AAMDC: variants seen among roughly 807,000 people sequenced by gnomAD.
AAMDC encodes the protein mth938 domain-containing protein.
In AAMDC, 16 loss-of-function variants were observed where a neutral mutation model predicts 15.5. The observed-to-expected ratio is 1.03, with a 90% CI of 0.70 to 1.57. AAMDC has a LOEUF of 1.57. Among genes scored for constraint, AAMDC ranks in the 40% most tolerant of loss-of-function variants. The pLI, the probability that AAMDC is intolerant of heterozygous loss-of-function variation, is 0.00. For missense variants in AAMDC, 141 were observed against 144.9 expected (o/e 0.97, Z 0.14); for synonymous variants, 51 against 51.6 (o/e 0.99, Z 0.05).
intron 2 of AAMDC, among the ~76,000 whole-genome samples, chr11:77,864,595 G>A (rs12574507): frequency 0.15 from 22,114 of 152,056 alleles, 1,816 homozygotes; most frequent in Admixed American, 0.2. Flanking sequence ...GGTTCATACT[G>A]GAAGCAGCAA....
At chr11:77,904,973 G>A (rs1421553662), downstream of AAMDC, among the ~76,000 whole-genome samples, 1 of 152,162 alleles carries the variant, frequency 6.6e-6, no homozygotes, top group Non-Finnish European at 1.5e-5. Flanking sequence ...TTAGATATCA[G>A]CTTGACTAGA....
At chr11:77,882,588 CA>C (rs1951835243) in intron 5 of AAMDC, among the ~76,000 whole-genome samples, 1 of 152,128 alleles carries the variant, frequency 6.6e-6, no homozygotes, top group South Asian at 2.1e-4. Context: ...GCAAATAGTG[CA>C]AAAACATTCC....
At chr11:77,843,704 T>TGA (rs1289375150) in intron 2 of AAMDC, among the ~76,000 whole-genome samples, 1 of 152,168 alleles carries the variant, frequency 6.6e-6, no homozygotes, top group Non-Finnish European at 1.5e-5. Context: ...ACTGAAAGTG[T>TGA]GAGATTAGGA....
chr11:77,890,592 T>G (rs1218402129), intron 5 of AAMDC, among the ~76,000 whole-genome samples: 1 of 152,182 alleles, frequency 6.6e-6, no homozygotes, highest in African/African-American at 2.4e-5. Flanking sequence ...GCATGTCTAC[T>G]CACCAAACCC....
chr11:77,888,185 T>C (rs1370955123), intron 5 of AAMDC, among the ~76,000 whole-genome samples: 4 of 152,162 alleles, frequency 2.6e-5, no homozygotes, highest in African/African-American at 7.2e-5. Context: ...ACTACAAGCC[T>C]ACAGTAACCA....
chr11:77,828,037 G>C (rs1359167818), intron 1 of AAMDC, among the ~76,000 whole-genome samples: 1 of 152,110 alleles, frequency 6.6e-6, no homozygotes, highest in Non-Finnish European at 1.5e-5. Context: ...ACTTTGGGAG[G>C]CGAGGTAGGT....
intron 2 of AAMDC, among the ~76,000 whole-genome samples, chr11:77,863,538 G>A (rs1950975624): frequency 6.6e-6 from 1 of 152,184 alleles, no homozygotes; most frequent in Non-Finnish European, 1.5e-5. Flanking sequence ...ACAGGCATGT[G>A]CCACTACGCC....
At chr11:77,823,926 A>T (rs1471313934) in intron 1 of AAMDC, among the ~76,000 whole-genome samples, 1 of 152,142 alleles carries the variant, frequency 6.6e-6, no homozygotes, top group Non-Finnish European at 1.5e-5. Context: ...TAAAAAAAAA[A>T]AAAAGCTTTA....
Position 77,842,526 on chromosome 11 carries a change from A to T in AAMDC, c.30A>T (p.Ser10=), listed in dbSNP as rs1949974032. 1 of 1,613,984 alleles carries T rather than the reference A, an allele frequency of 6.2e-7. No homozygotes were observed. Among genetic ancestry groups the T allele is most frequent in the Non-Finnish European group, 8.5e-7 (1 of 1,179,980 alleles). The change falls in exon 2 of 4, where the codon TCA becomes TCT. Residue 10 remains serine, a synonymous_variant. Transcript: ENST00000393427. ...CTTCCCCTGAAATTGCTTCCTTATC[A>T]TGGGGGCAAATGAAAGTAAAAGGCT... is the stretch of plus-strand genomic sequence containing the variant. MTSPEIASL[S]WGQMKVKGSN... is the part of the protein sequence containing the mutation.
At chr11:77,824,224 G>A (rs184483110) in intron 1 of AAMDC, among the ~76,000 whole-genome samples, 10 of 152,266 alleles carry the variant, frequency 6.6e-5, no homozygotes, top group African/African-American at 1.7e-4. Context: ...AGAGCTTAAC[G>A]ACAATTTATG....
At chr11:77,867,761 C>T (rs1347469696) in intron 2 of AAMDC, among the ~76,000 whole-genome samples, 2 of 152,180 alleles carry the variant, frequency 1.3e-5, no homozygotes, top group African/African-American at 4.8e-5. Flanking sequence ...AGCTACCATC[C>T]TTTAATGCTC....
intron 1 of AAMDC, among the ~76,000 whole-genome samples, chr11:77,826,840 C>G (rs930204214): frequency 6.6e-6 from 1 of 152,230 alleles, no homozygotes; most frequent in African/African-American, 2.4e-5. Context: ...TGCAATGGCT[C>G]ATGCCTGTAA....
intron 1 of AAMDC, among the ~76,000 whole-genome samples, chr11:77,832,196 C>A (rs898677155): frequency 6.6e-6 from 1 of 152,024 alleles, no homozygotes; most frequent in African/African-American, 2.4e-5. Context: ...ACTGTACTTA[C>A]AATTATAGGT....
At chr11:77,861,915 C>G (rs1223328285) in intron 2 of AAMDC, among the ~76,000 whole-genome samples, 1 of 152,158 alleles carries the variant, frequency 6.6e-6, no homozygotes, top group Admixed American at 6.5e-5. Flanking sequence ...CTGCAGCTGA[C>G]TGAGTGATAA....
downstream of AAMDC, chr11:77,877,115 T>G (rs1951619982): frequency 4.3e-6 from 3 of 690,384 alleles, no homozygotes; most frequent in Admixed American, 6.1e-5. Context: ...TCTTTCGCAC[T>G]CATGACCTCG....
chr11:77,838,615 CTT>C (rs34851335), intron 1 of AAMDC, among the ~76,000 whole-genome samples: 10 of 129,290 alleles, frequency 7.7e-5, no homozygotes, highest in East Asian at 4.4e-4. Context: ...ATACAAGTAC[CTT>C]TTTTTTTTTT....
chr11:77,903,000 C>A (rs189176279), downstream of AAMDC, among the ~76,000 whole-genome samples: 665 of 152,304 alleles, frequency 4.4e-3, 3 homozygotes, highest in African/African-American at 0.015. Context: ...AAACTCCTAA[C>A]CTTAAGTGAT....
chr11:77,849,178 A>G (rs1950268319), intron 2 of AAMDC, among the ~76,000 whole-genome samples: 2 of 151,736 alleles, frequency 1.3e-5, no homozygotes, highest in South Asian at 4.2e-4. Flanking sequence ...CTGGGACCAC[A>G]GGCAATTGCC....
intron 2 of AAMDC, among the ~76,000 whole-genome samples, chr11:77,844,890 T>G (rs1950078002): frequency 6.6e-6 from 1 of 152,224 alleles, no homozygotes; most frequent in Non-Finnish European, 1.5e-5. Context: ...ATAGATTTCT[T>G]TGATCAATCG....
Sources: gnomAD v4.1 joint callset for allele counts (sites outside exome capture counted in the v4.1 genomes callset) on GRCh38, gnomAD v4.1.1 for gene constraint, MANE v1.5 for transcripts, NCBI Gene and HGNC (gene_info 2026-07-23, HGNC 2026-07-21) for gene names.